Variants in DLG2 observed in about 807,000 individuals in gnomAD.
The protein encoded by DLG2 is disks large homolog 2.
DLG2 carries 45 observed loss-of-function variants against 132.5 expected under a neutral mutation model. That is an observed-to-expected ratio of 0.34 (90% CI 0.27 to 0.44). DLG2 has a LOEUF of 0.44. Ranked by LOEUF, DLG2 falls within the 20% of genes least tolerant of loss-of-function variation. DLG2 has a pLI of 1.00. For synonymous variants in DLG2, 424 were observed against 419.6 expected (o/e 1.01, Z -0.13); for missense variants, 1,045 against 1,196.9 (o/e 0.87, Z 1.87).
Position 84,163,938 on chromosome 11 carries a change from T to G in DLG2, c.574-427A>C, listed in dbSNP as rs2095605314. Among the ~76,000 whole-genome samples the G allele has an allele frequency of 3.3e-5, 5 of 152,194 alleles. No homozygotes were observed. In the South Asian group the frequency reaches 1.0e-3, roughly 31 times the overall value. ...ATGGCAGAACAACATTGTTCCATTT[T>G]TGAATAGAAAAATAGCATGAAAATG... On this transcript the variant is annotated intron_variant, in intron 8 of 27. Transcript: ENST00000376104.
chr11:85,417,578 C>CT (rs1173083019), intron 3 of DLG2, among the ~76,000 whole-genome samples: 3 of 152,052 alleles, frequency 2.0e-5, no homozygotes, highest in Non-Finnish European at 4.4e-5. Context: ...TGGTCCTCAG[C>CT]TTTTTTTGGT....
chr11:84,542,088 C>T (rs1336058463), intron 6 of DLG2, among the ~76,000 whole-genome samples: 1 of 151,778 alleles, frequency 6.6e-6, no homozygotes, highest in Non-Finnish European at 1.5e-5. Context: ...ATAAAAAGTG[C>T]TCTACTTCCC....
At chr11:85,199,000 A>C (rs2081259383) in intron 4 of DLG2, among the ~76,000 whole-genome samples, 2 of 152,200 alleles carry the variant, frequency 1.3e-5, no homozygotes, top group African/African-American at 4.8e-5. Context: ...TTGGAGAACT[A>C]GTTGGCAGTA....
chr11:84,435,040 T>A (rs1027955056), intron 7 of DLG2, among the ~76,000 whole-genome samples: 1 of 151,928 alleles, frequency 6.6e-6, no homozygotes, highest in African/African-American at 2.4e-5. Flanking sequence ...CAATTAAGTA[T>A]ACTGGTCATT....
chr11:85,319,403 AC>A (rs1285185993), intron 3 of DLG2, among the ~76,000 whole-genome samples: 1 of 151,934 alleles, frequency 6.6e-6, no homozygotes, highest in East Asian at 1.9e-4. Flanking sequence ...AATAGATGCC[AC>A]TTTCCTTCTG....
intron 5 of DLG2, among the ~76,000 whole-genome samples, chr11:85,114,854 G>T (rs1175383128): frequency 6.6e-6 from 1 of 151,806 alleles, no homozygotes; most frequent in Non-Finnish European, 1.5e-5. Flanking sequence ...TGTATCAGGG[G>T]CTTATACACA....
intron 4 of DLG2, among the ~76,000 whole-genome samples, chr11:85,172,789 T>C (rs1397601602): frequency 3.3e-5 from 5 of 152,080 alleles, no homozygotes; most frequent in African/African-American, 1.2e-4. Flanking sequence ...ATAGATCTGA[T>C]GAAGCTGAAA....
At chr11:84,351,271 A>G (rs2098567615) in intron 7 of DLG2, among the ~76,000 whole-genome samples, 1 of 152,120 alleles carries the variant, frequency 6.6e-6, no homozygotes. Flanking sequence ...TGTGGCATAT[A>G]TTATATAAAA....
At chr11:84,683,294 C>A (rs1413858391) in intron 6 of DLG2, among the ~76,000 whole-genome samples, 1 of 152,146 alleles carries the variant, frequency 6.6e-6, no homozygotes, top group Non-Finnish European at 1.5e-5. Flanking sequence ...TTAGCACTAT[C>A]TCCATTCTCC....
intron 7 of DLG2, among the ~76,000 whole-genome samples, chr11:84,395,578 T>C (rs1438041420): frequency 6.6e-6 from 1 of 152,120 alleles, no homozygotes; most frequent in Non-Finnish European, 1.5e-5. Flanking sequence ...CCACCACACC[T>C]TTCTAATTTT....
At chr11:84,923,181 A>G in intron 6 of DLG2, 1 of 1,610,524 alleles carries the variant, frequency 6.2e-7, no homozygotes, top group South Asian at 1.1e-5. Context: ...AGCCCCACAC[A>G]CACGATCCTG....
intron 6 of DLG2, among the ~76,000 whole-genome samples, chr11:84,640,841 G>T (rs1253432930): frequency 6.6e-6 from 1 of 151,944 alleles, no homozygotes; most frequent in African/African-American, 2.4e-5. Flanking sequence ...TCAGGAGGCT[G>T]AGGCAGGAGA....
chr11:83,833,572 C>T (rs187331937), intron 17 of DLG2, 42 bp downstream of exon 17: 161 of 1,518,756 alleles, frequency 1.1e-4, no homozygotes, highest in Non-Finnish European at 1.3e-4. Flanking sequence ...TCATTGATGG[C>T]GTCAGATATG....
intron 15 of DLG2, among the ~76,000 whole-genome samples, chr11:83,901,556 C>T (rs191498352): frequency 5.9e-5 from 9 of 152,180 alleles, no homozygotes; most frequent in African/African-American, 2.2e-4. Context: ...TCTTGTCTGG[C>T]ACTATGTAAG....
chr11:83,872,936 C>G (rs1184524556), intron 16 of DLG2, among the ~76,000 whole-genome samples: 1 of 152,170 alleles, frequency 6.6e-6, no homozygotes, highest in Non-Finnish European at 1.5e-5. Context: ...ACATGGACCT[C>G]TAGTACCATC....
At chr11:84,887,576 A>T (rs919557082) in intron 6 of DLG2, among the ~76,000 whole-genome samples, 1 of 152,142 alleles carries the variant, frequency 6.6e-6, no homozygotes, top group Admixed American at 6.6e-5. Flanking sequence ...CTAATATTTG[A>T]TGACACATAA....
chr11:84,072,156 A>G (rs2096767386), intron 10 of DLG2, among the ~76,000 whole-genome samples: 1 of 152,264 alleles, frequency 6.6e-6, no homozygotes, highest in South Asian at 2.1e-4. Flanking sequence ...TCTGTGGAAC[A>G]TAAATTGAAT....
intron 3 of DLG2, among the ~76,000 whole-genome samples, chr11:85,419,768 T>G (rs2152993084): frequency 6.6e-6 from 1 of 152,370 alleles, no homozygotes; most frequent in South Asian, 2.1e-4. Flanking sequence ...CATGCTGTGT[T>G]TTTCAGCTCC....
At chr11:83,556,071 A>C (rs2142368463) in intron 19 of DLG2, among the ~76,000 whole-genome samples, 1 of 152,286 alleles carries the variant, frequency 6.6e-6, no homozygotes, top group Middle Eastern at 3.4e-3. Context: ...AACCACAGCC[A>C]CTCAACAGAA....
Sources: allele counts gnomAD v4.1 joint callset (sites outside exome capture counted in the v4.1 genomes callset), GRCh38; gene constraint gnomAD v4.1.1; transcripts MANE v1.5; gene names NCBI Gene and HGNC (gene_info 2026-07-23, HGNC 2026-07-21).